The following BPTF variants were observed in gnomAD, a reference collection of about 807,000 sequenced individuals.
BPTF encodes the protein bromodomain PHD finger transcription factor.
BPTF carries 18 observed loss-of-function variants against 292.5 expected under a neutral mutation model. The observed-to-expected ratio is 0.06, with a 90% CI of 0.04 to 0.09. The LOEUF (loss-of-function observed/expected upper bound fraction) is 0.09. Ranked by LOEUF, BPTF falls within the 10% of genes least tolerant of loss-of-function variation. The pLI is 1.00. For missense variants in BPTF, 2,726 were observed against 3,498.7 expected (o/e 0.78, Z 5.57); for synonymous variants, 1,225 against 1,251.9 (o/e 0.98, Z 0.45).
At position 67,971,071 on chromosome 17, in the gene BPTF, G is replaced by A. The variant is rs547256018; in HGVS notation, c.8539+4415G>A. Among the ~76,000 whole-genome samples, 10 of 151,932 alleles carry A rather than the reference G, an allele frequency of 6.6e-5. No homozygotes were observed. The East Asian group carries it at 1.2e-3, about 18-fold the overall frequency. On this transcript the variant is annotated intron_variant, in intron 26 of 27. Coordinates refer to ENST00000306378, the MANE Select transcript of BPTF (RefSeq NM_182641.4). ...CTCCCACCTCAGCCTTCTGAGTAGC[G>A]GGGATGTAGTATACTTTTTTTGTTT...
At chr17:67,889,248 C>T (rs890421136) in intron 4 of BPTF, among the ~76,000 whole-genome samples, 1 of 152,132 alleles carries the variant, frequency 6.6e-6, no homozygotes, top group African/African-American at 2.4e-5. Flanking sequence ...TTCTTTTTCT[C>T]CATTCCTTTA....
At chr17:67,946,415 A>G (rs1011361583) in intron 21 of BPTF, 90 bp downstream of exon 21, 76 of 1,503,918 alleles carry the variant, frequency 5.1e-5, no homozygotes, top group Non-Finnish European at 6.2e-5. Context: ...TAGGTTTCCT[A>G]AATGAGACAA....
intron 7 of BPTF, 35 bp from the exon 8 acceptor site, chr17:67,903,754 A>G (rs1191584099): frequency 6.7e-7 from 1 of 1,489,778 alleles, no homozygotes; most frequent in Non-Finnish European, 8.9e-7. Flanking sequence ...TTATTTTTCC[A>G]AGTTAACATT....
At chr17:67,835,945 G>A (rs571311162) in intron 1 of BPTF, among the ~76,000 whole-genome samples, 38 of 152,078 alleles carry the variant, frequency 2.5e-4, no homozygotes, top group Admixed American at 3.3e-4. Context: ...GATTACAGGC[G>A]TGAGCCACCA....
At position 67,894,239 on chromosome 17, in the gene BPTF, A is replaced by C. The variant is rs1354934815; in HGVS notation, c.2543+74A>C. ...GAAATACTAGCCTATTAATAATGAA[A>C]GTTAATATATTTAAGAGGCCATATT... On this transcript the variant is annotated intron_variant, in intron 7 of 27. Coordinates refer to ENST00000306378, the MANE Select transcript of BPTF (RefSeq NM_182641.4). 4 of 1,464,716 alleles carry C rather than the reference A, an allele frequency of 2.7e-6. No individual in the cohort carries two copies. The African/African-American group carries it at 5.6e-5, about 21-fold the overall frequency. 90.7% of individuals were successfully genotyped at this position (1,464,716 alleles called of 1,614,324 possible).
At position 67,920,159 on chromosome 17, in the gene BPTF, C is replaced by T; in HGVS notation, c.5557+16C>T. The stretch of plus-strand genomic sequence containing the variant: ...ACACCAAAAGGTAAGAAATAGAATT[C>T]TATTCTTTCATGATTAACCTGTTAA... On this transcript the variant is annotated intron_variant, in intron 13 of 27. Coordinates refer to ENST00000306378, the MANE Select transcript of BPTF (RefSeq NM_182641.4). 6.2e-7 allele frequency: 1 copy of T among 1,603,608 alleles called. No homozygotes were observed. Among genetic ancestry groups the T allele is most frequent in the Non-Finnish European group, 8.5e-7 (1 of 1,173,554 alleles).
chr17:67,960,993 G>A (rs1329911181), intron 24 of BPTF, among the ~76,000 whole-genome samples: 4 of 152,164 alleles, frequency 2.6e-5, no homozygotes, highest in African/African-American at 9.7e-5. Flanking sequence ...ACAGTAGAAC[G>A]TGATTCACTG....
rs367984764 is a variant in BPTF at position 67,865,027 on chromosome 17, C to T, written c.1437-1437C>T. Among the ~76,000 whole-genome samples the T allele has an allele frequency of 1.4e-4, 22 of 152,132 alleles. No individual in the cohort carries two copies. In the South Asian group the frequency reaches 4.6e-3, roughly 32 times the overall value. Reference sequence around the variant, plus strand: ...TTCACCGTGTTAACCGGGATGGTCTCGATCTCCTGACCTTGTGATCCGCCC... The same window carrying T: ...TTCACCGTGTTAACCGGGATGGTCTTGATCTCCTGACCTTGTGATCCGCCC... On this transcript the variant is annotated intron_variant, in intron 2 of 27. Transcript: ENST00000306378.
chr17:67,840,500 C>T (rs1468153434), intron 1 of BPTF, among the ~76,000 whole-genome samples: 1 of 151,378 alleles, frequency 6.6e-6, no homozygotes, highest in Non-Finnish European at 1.5e-5. Context: ...TCCGCCTCCT[C>T]CTTCCCCTCC....
At position 67,983,150 on chromosome 17, in the gene BPTF, CACAG is replaced by C. The variant is rs2070598722; in HGVS notation, c.*868_*871del. The C allele has an allele frequency of 6.6e-6, 1 of 152,448 alleles. No homozygotes were observed. The highest frequency in any genetic ancestry group is 1.5e-5 in the Non-Finnish European group (1 of 68,018). 9.4% of individuals were successfully genotyped at this position (152,448 alleles called of 1,614,324 possible). A position where few individuals can be genotyped will look rare whatever the true frequency, so the allele number is the denominator to read the frequency against. The stretch of plus-strand genomic sequence containing the variant: ...AAATAAATGGAGATAATTTTTCTCC[CACAG>C]ACAGAGGTGTCTTTGAATGTGCGCT... On this transcript the variant is annotated 3_prime_UTR_variant, in exon 28 of 28. Transcript: ENST00000306378.
intron 3 of BPTF, among the ~76,000 whole-genome samples, chr17:67,872,711 AAAAG>A (rs763402625): frequency 1.3e-5 from 2 of 152,162 alleles, no homozygotes; most frequent in East Asian, 1.9e-4. Flanking sequence ...GTCTCAAAAA[AAAAG>A]AAAGAAAGAA....
intron 7 of BPTF, among the ~76,000 whole-genome samples, chr17:67,896,055 C>T (rs557005292): frequency 1.5e-4 from 23 of 151,516 alleles, no homozygotes; most frequent in Non-Finnish European, 2.7e-4. Flanking sequence ...CTCCGCCTCC[C>T]GGGTTCACGC....
intron 20 of BPTF, among the ~76,000 whole-genome samples, chr17:67,944,954 C>T (rs1206551379): frequency 3.3e-5 from 5 of 152,078 alleles, no homozygotes; most frequent in East Asian, 3.9e-4. Flanking sequence ...AGTTTCAGAG[C>T]GTCCTGCCCT....
chr17:67,884,138 CT>C (rs200471908), intron 4 of BPTF, among the ~76,000 whole-genome samples: 42,959 of 134,380 alleles, frequency 0.32, 7,179 homozygotes, highest in East Asian at 0.59. Context: ...CATTTTCTTT[CT>C]TTTTTTTTTT....
intron 11 of BPTF, 64 bp downstream of exon 11, chr17:67,913,251 T>C: frequency 1.3e-6 from 2 of 1,489,340 alleles, no homozygotes; most frequent in Non-Finnish European, 1.8e-6. Flanking sequence ...CTCACAAGAA[T>C]ATCTCATTTT....
At chr17:67,945,182 T>A (rs1305603022) in intron 20 of BPTF, among the ~76,000 whole-genome samples, 1 of 152,088 alleles carries the variant, frequency 6.6e-6, no homozygotes, top group Admixed American at 6.6e-5. Flanking sequence ...ACCATAGCCA[T>A]GCTCCACTAT....
At chr17:67,959,458 G>T (rs1393589085) in intron 23 of BPTF, 83 bp from the exon 24 acceptor site, 3 of 1,090,702 alleles carry the variant, frequency 2.8e-6, no homozygotes. Flanking sequence ...TTTGACAAGA[G>T]TGGGTAGTGT....
At chr17:67,978,724 T>A (rs782723297) in intron 27 of BPTF, among the ~76,000 whole-genome samples, 18 of 152,196 alleles carry the variant, frequency 1.2e-4, no homozygotes, top group Non-Finnish European at 2.2e-4. Flanking sequence ...AGCAGGAGAA[T>A]GGAGCACTCC....
In BPTF at chr17:67,912,479, A is replaced by G. The variant is rs1358339497; in HGVS notation, c.4595A>G (p.Glu1532Gly). ...GAAAGCAATTCAGTTAATCAGGTAGAAGATATGGAAATAGAAACCTCAGAA... is the reference window on the plus strand; with the variant it reads ...GAAAGCAATTCAGTTAATCAGGTAGGAGATATGGAAATAGAAACCTCAGAA... ...CPESNSVNQV[E>G]DMEIETSEVK... The change falls in exon 11 of 28, where the codon GAA (glutamate) becomes GGA (glycine). Residue 1532 changes from glutamate (E) to glycine (G), a missense_variant. This residue lies in a region of BPTF where 713 missense variants were observed against 714.9 expected (regional missense o/e 1.00). Coordinates refer to ENST00000306378, the MANE Select transcript of BPTF (RefSeq NM_182641.4). 7.4e-6 allele frequency: 12 copies of G among 1,613,886 alleles called. No homozygotes were observed. Among genetic ancestry groups the G allele is most frequent in the Non-Finnish European group, 1.0e-5 (12 of 1,179,980 alleles).
Sources: allele counts gnomAD v4.1 joint callset (sites outside exome capture counted in the v4.1 genomes callset), GRCh38; gene constraint gnomAD v4.1.1; regional missense constraint gnomAD v4.1.1; transcripts MANE v1.5; gene names NCBI Gene and HGNC (gene_info 2026-07-23, HGNC 2026-07-21).